Variants in PDE1C observed in about 807,000 individuals in gnomAD.
PDE1C encodes phosphodiesterase 1C, also known as dual specificity calcium/calmodulin-dependent 3',5'-cyclic nucleotide phosphodiesterase 1C.
A neutral mutation model predicts 93.1 loss-of-function variants in PDE1C; 62 were observed. That is an observed-to-expected ratio of 0.67 (90% CI 0.54 to 0.82). The LOEUF (loss-of-function observed/expected upper bound fraction) is 0.82. Ranked by LOEUF, PDE1C falls within the 40% of genes least tolerant of loss-of-function variation. The probability of loss-of-function intolerance (pLI) is 0.00; values close to 1 mark genes in which losing one functional copy is unlikely to be tolerated. For synonymous variants in PDE1C, 325 were observed against 310.1 expected (o/e 1.05, Z -0.50); for missense variants, 742 against 884.6 (o/e 0.84, Z 2.04).
intron 2 of PDE1C, among the ~76,000 whole-genome samples, chr7:31,910,402 C>T (rs1290135194): frequency 6.6e-6 from 1 of 152,156 alleles, no homozygotes; most frequent in Non-Finnish European, 1.5e-5. Flanking sequence ...GCTGAACAAT[C>T]TTAATTGAGC....
At chr7:32,182,255 A>C (rs1039302084) in intron 2 of PDE1C, among the ~76,000 whole-genome samples, 1 of 152,218 alleles carries the variant, frequency 6.6e-6, no homozygotes, top group Non-Finnish European at 1.5e-5. Flanking sequence ...TTCTGAAACT[A>C]TTCCAATCAA....
At chr7:31,804,537 T>G (rs1786537986) in intron 16 of PDE1C, among the ~76,000 whole-genome samples, 1 of 151,850 alleles carries the variant, frequency 6.6e-6, no homozygotes, top group South Asian at 2.1e-4. Context: ...CCTATATGTA[T>G]TACACACACA....
chr7:31,735,703 A>AG, the PDE1C span, among the ~76,000 whole-genome samples: 4 of 152,248 alleles, frequency 2.6e-5, no homozygotes, highest in Non-Finnish European at 4.4e-5. Flanking sequence ...CCTGAGTAGA[A>AG]GGTGAAAAAA....
chr7:32,221,329 CCTTT>C (rs1401920505), intron 1 of PDE1C, among the ~76,000 whole-genome samples: 3 of 152,182 alleles, frequency 2.0e-5, no homozygotes, highest in African/African-American at 7.2e-5. Flanking sequence ...CCATCAAGCC[CCTTT>C]CTTGTTTGAT....
intron 1 of PDE1C, among the ~76,000 whole-genome samples, chr7:32,053,184 T>C (rs1214211554): frequency 6.6e-6 from 1 of 152,192 alleles, no homozygotes; most frequent in Non-Finnish European, 1.5e-5. Context: ...TTTCTTTGCA[T>C]ATAAAGTGGG....
At chr7:31,694,522 G>C in the PDE1C span, among the ~76,000 whole-genome samples, 3 of 152,060 alleles carry the variant, frequency 2.0e-5, no homozygotes, top group East Asian at 5.8e-4. Context: ...GTCCATGTTT[G>C]AACTCAGATC....
At chr7:31,995,785 C>T (rs1784642877) in intron 2 of PDE1C, among the ~76,000 whole-genome samples, 1 of 152,022 alleles carries the variant, frequency 6.6e-6, no homozygotes, top group Admixed American at 6.6e-5. Flanking sequence ...AATCTTAGGT[C>T]CAAAACAAAC....
At chr7:32,195,574 G>T (rs1252715808) in intron 2 of PDE1C, among the ~76,000 whole-genome samples, 1 of 152,102 alleles carries the variant, frequency 6.6e-6, no homozygotes, top group East Asian at 1.9e-4. Flanking sequence ...TTATGAGGCT[G>T]GGTTCAGTGG....
At chr7:31,899,956 A>C (rs1184307592) in intron 2 of PDE1C, among the ~76,000 whole-genome samples, 6 of 152,182 alleles carry the variant, frequency 3.9e-5, no homozygotes, top group Admixed American at 6.5e-5. Context: ...GGATGCTGCT[A>C]AACATTCCAC....
At chr7:31,790,021 C>A in intron 16 of PDE1C, 1 of 1,328,638 alleles carries the variant, frequency 7.5e-7, no homozygotes, top group South Asian at 2.2e-5. Context: ...GGGGAATATC[C>A]CCCAGAGTTC....
intron 1 of PDE1C, among the ~76,000 whole-genome samples, chr7:32,307,363 G>T (rs1055027217): frequency 3.1e-4 from 47 of 152,012 alleles, no homozygotes; most frequent in Non-Finnish European, 3.5e-4. Context: ...AGAGAAAAAA[G>T]GTGGAAGACT....
intron 2 of PDE1C, among the ~76,000 whole-genome samples, chr7:31,890,992 A>G (rs1285355483): frequency 6.6e-6 from 1 of 151,774 alleles, no homozygotes; most frequent in African/African-American, 2.4e-5. Flanking sequence ...GTTTCCCTCC[A>G]CTCCACTTCC....
chr7:31,796,999 G>A (rs749164330), intron 16 of PDE1C, among the ~76,000 whole-genome samples: 1 of 151,720 alleles, frequency 6.6e-6, no homozygotes, highest in African/African-American at 2.4e-5. Context: ...GGACATTGGA[G>A]TGGAGAGTTT....
At chr7:32,112,846 G>GTATATATA (rs1203879712) in intron 3 of PDE1C, among the ~76,000 whole-genome samples, 8 of 59,148 alleles carry the variant, frequency 1.4e-4, no homozygotes, top group Admixed American at 1.8e-4. Flanking sequence ...GTGTGTGTGT[G>GTATATATA]TATATATATA....
rs114720075 is a variant in PDE1C, at chr7:32,059,249, C to T, written c.102-7669G>A. Among the ~76,000 whole-genome samples, 244 of 152,168 alleles carry T rather than the reference C, an allele frequency of 1.6e-3. 1 individual carries two copies. The highest frequency in any genetic ancestry group is 5.7e-3 in the African/African-American group (236 of 41,516). On this transcript the variant is annotated intron_variant, in intron 1 of 17. Coordinates refer to ENST00000396191, the MANE Select transcript of PDE1C (RefSeq NM_001191057.4). ...TGGTTTGGGGGTGGGGATGGTGACC[C>T]TAAAGAATGGGAGAATGCAAATCTG...
At chr7:32,331,330 C>A (rs988826677) in intron 1 of PDE1C, among the ~76,000 whole-genome samples, 1 of 152,148 alleles carries the variant, frequency 6.6e-6, no homozygotes, top group Non-Finnish European at 1.5e-5. Flanking sequence ...TATTAAGCTG[C>A]GCTGGTGTGC....
chr7:32,401,898 T>C (rs1784950287), intron 1 of PDE1C, among the ~76,000 whole-genome samples: 1 of 152,220 alleles, frequency 6.6e-6, no homozygotes, highest in African/African-American at 2.4e-5. Flanking sequence ...AAATCCTGGC[T>C]TGTATCAATT....
the PDE1C span, chr7:31,642,729 A>C: frequency 8.4e-5 from 135 of 1,613,906 alleles, no homozygotes; most frequent in South Asian, 3.3e-5. Flanking sequence ...ATGGAGGTAG[A>C]AAGCCAAGAG....
upstream of PDE1C, among the ~76,000 whole-genome samples, chr7:32,072,817 G>A (rs11765341): frequency 0.069 from 10,512 of 152,226 alleles, 388 homozygotes; most frequent in Non-Finnish European, 0.079. Flanking sequence ...ACCAGAGTTT[G>A]AGTTATGGCT....
Sources: allele counts gnomAD v4.1 joint callset (sites outside exome capture counted in the v4.1 genomes callset), GRCh38; gene constraint gnomAD v4.1.1; transcripts MANE v1.5; gene names NCBI Gene and HGNC (gene_info 2026-07-23, HGNC 2026-07-21).